Variants in TFAP2E observed in about 807,000 individuals in gnomAD.
The protein encoded by TFAP2E is transcription factor AP-2-epsilon.
In TFAP2E, 30 loss-of-function variants were observed where a neutral mutation model predicts 37.9. The ratio of observed to expected loss-of-function variants is 0.79; its 90% CI spans 0.59 to 1.07. TFAP2E has a LOEUF of 1.07. TFAP2E is among the 50% of genes least tolerant of loss of function. The pLI is 0.00. For synonymous variants in TFAP2E, 318 were observed against 295.8 expected, an observed-to-expected ratio of 1.08 and a Z score of -0.77; for missense variants, 567 against 637.9, an observed-to-expected ratio of 0.89 and a Z score of 1.20.
intron 6 of TFAP2E, among the ~76,000 whole-genome samples, chr1:35,591,403 C>T (rs1649674822): frequency 6.6e-6 from 1 of 152,144 alleles, no homozygotes; most frequent in Admixed American, 6.5e-5. Context: ...GCCCATCAAC[C>T]CTCTGCTCCA....
At position 35,585,832 on chromosome 1, in the gene TFAP2E, TGAGTCCAG is replaced by T. The variant is rs1243601048; in HGVS notation, c.563-2493_563-2486del. On this transcript the variant is annotated intron_variant, in intron 3 of 6. Coordinates refer to ENST00000373235, the MANE Select transcript of TFAP2E (RefSeq NM_178548.4). ...GGCCAAGGCAGGCAGGTGGATAGCT[TGAGTCCAG>T]GAGTTCAAGACCAGTCTGGGCAACA... is the stretch of plus-strand genomic sequence containing the variant. Among the ~76,000 whole-genome samples the T allele has an allele frequency of 9.9e-5, 15 of 152,254 alleles. No individual in the cohort carries two copies. The East Asian group carries it at 2.5e-3, about 25-fold the overall frequency.
At position 35,577,366 on chromosome 1, in the gene TFAP2E, C is replaced by A. The variant is rs1003544350; in HGVS notation, c.562+2366C>A. The A allele has an allele frequency of 2.2e-6, 1 of 456,698 alleles. No individual in the cohort carries two copies. Among genetic ancestry groups the A allele is most frequent in the African/African-American group, 2.0e-5 (1 of 50,102 alleles). 28.3% of individuals were successfully genotyped at this position (456,698 alleles called of 1,614,324 possible). A position where few individuals can be genotyped will look rare whatever the true frequency, so the allele number is the denominator to read the frequency against. ...TGCGGGATTCGGCGTTGCCGCCAGC[C>A]CAGTGGGGAGTGAATTAGCGCCCTC... is the stretch of plus-strand genomic sequence containing the variant. On this transcript the variant is annotated intron_variant, in intron 3 of 6. Transcript: ENST00000373235. This position sits in a 1 kb window ranked among gnomAD's most constrained non-coding sequence, Gnocchi z 6.3.
intron 3 of TFAP2E, among the ~76,000 whole-genome samples, chr1:35,575,778 T>C (rs571072636): frequency 6.6e-6 from 1 of 152,348 alleles, no homozygotes; most frequent in Admixed American, 6.5e-5. Flanking sequence ...CTGCACTTTG[T>C]TCTTTGGTAT....
Position 35,590,088 on chromosome 1 carries a change from G to T in TFAP2E, c.904+40G>T. 6.3e-7 allele frequency: 1 copy of T among 1,588,504 alleles called. No homozygotes were observed. Among genetic ancestry groups the T allele is most frequent in the South Asian group, 1.1e-5 (1 of 90,136 alleles). On this transcript the variant is annotated intron_variant, in intron 5 of 6. Coordinates refer to ENST00000373235, the MANE Select transcript of TFAP2E (RefSeq NM_178548.4). The surrounding 1 kb of genome is among the most constrained non-coding windows in gnomAD (Gnocchi z 6.2). ...AAGGTGGGCATGGGAGTGGATGTGA[G>T]GGCAAGTGAGTTGTCTGGTGTGACT...
rs1481481991 is a variant in TFAP2E at position 35,574,202 on chromosome 1, C to G, written c.303C>G (p.Ala101=). Residue 101 remains alanine, a synonymous_variant, in exon 2 of 7, where the codon GCC becomes GCG. Transcript: ENST00000373235. The part of the protein sequence containing the change: ...AQPQPPQAAW[A]APRAAARAHE... The stretch of plus-strand genomic sequence containing the variant: ...CGCAGCCTCCTCAGGCCGCCTGGGC[C>G]GCGCCCCGCGCAGCCGCCCGCGCCC... 7.9e-7 allele frequency: 1 copy of G among 1,261,362 alleles called. No individual in the cohort carries two copies. The allele number at this position is 1,261,362 out of a possible 1,614,324, so 78.1% of individuals were successfully genotyped here.
chr1:35,579,975 G>A (rs539184121), intron 3 of TFAP2E, among the ~76,000 whole-genome samples: 30 of 152,214 alleles, frequency 2.0e-4, no homozygotes, highest in African/African-American at 6.7e-4. Context: ...GGGAGGCCGA[G>A]GCAGGTGGAT....
Position 35,594,424 on chromosome 1 carries a change from G to A in TFAP2E, c.1077G>A (p.Met359Ile). The A allele has an allele frequency of 6.2e-7, 1 of 1,613,774 alleles. No individual in the cohort carries two copies. The highest frequency in any genetic ancestry group is 1.1e-5 in the South Asian group (1 of 91,042). Reference protein sequence around the residue: ...KQICKEFADLMAQDRSPLGNS... With the variant: ...KQICKEFADLIAQDRSPLGNS... ...TCTGCAAGGAGTTTGCAGACTTGAT[G>A]GCTCAGGACCGCTCACCGCTGGGCA... is the stretch of plus-strand genomic sequence containing the variant. The change falls in exon 7 of 7, where the codon ATG becomes ATA. Residue 359 changes from methionine to isoleucine, a missense_variant. Coordinates refer to ENST00000373235, the MANE Select transcript of TFAP2E (RefSeq NM_178548.4).
At position 35,574,255 on chromosome 1, in the gene TFAP2E, C is replaced by T. The variant is rs1396754494; in HGVS notation, c.356C>T (p.Pro119Leu). 5.3e-6 allele frequency: 7 copies of T among 1,320,970 alleles called. No individual in the cohort carries two copies. The highest frequency in any genetic ancestry group is 5.8e-4 in the Middle Eastern group (2 of 3,420). The allele number at this position is 1,320,970 out of a possible 1,614,324, so 81.8% of individuals were successfully genotyped here. ...GAGGAGCCTCCCGGCCTGCTGGCAC[C>T]GCCCGCCCGCGCCCTGGGCCTTGAC... ...AHEEPPGLLAPPARALGLDPR... is the reference protein window; with the variant it reads ...AHEEPPGLLALPARALGLDPR... Residue 119 changes from proline to leucine, a missense_variant, in exon 2 of 7, where the codon CCG (proline) becomes CTG (leucine). Coordinates refer to ENST00000373235, the MANE Select transcript of TFAP2E (RefSeq NM_178548.4).
chr1:35,583,393 C>T (rs1649403585), intron 3 of TFAP2E, among the ~76,000 whole-genome samples: 1 of 152,148 alleles, frequency 6.6e-6, no homozygotes, highest in Non-Finnish European at 1.5e-5. Flanking sequence ...ATCCACCCGC[C>T]TTGCCTTCCA....
chr1:35,594,639 C>T lies in TFAP2E; in HGVS notation c.1292C>T (p.Thr431Ile), dbSNP rs767819540. Residue 431 changes from threonine (T) to isoleucine (I), a missense_variant, in exon 7 of 7, where the codon ACC becomes ATC. Thr to Ile is a moderately conservative substitution (Grantham distance 89). Around this residue, in one of 3 missense-constraint regions of TFAP2E, gnomAD observed 252 missense variants for 302.6 expected, o/e 0.83. Transcript: ENST00000373235. The part of the protein sequence containing the change: ...LSSVGSGHGE[T>I]KASEKDAKHR... Reference sequence around the variant, plus strand: ...AGTGTGGGCAGTGGGCATGGTGAAACCAAGGCTTCGGAGAAGGATGCCAAG... The same window carrying T: ...AGTGTGGGCAGTGGGCATGGTGAAATCAAGGCTTCGGAGAAGGATGCCAAG... 6.1e-5 allele frequency: 98 copies of T among 1,614,054 alleles called. No homozygotes were observed. Among genetic ancestry groups the T allele is most frequent in the Non-Finnish European group, 7.7e-5 (91 of 1,180,044 alleles).
At chr1:35,574,907 A>G (rs763496994) in intron 2 of TFAP2E, 42 bp from the exon 3 acceptor site, 2 of 1,613,196 alleles carry the variant, frequency 1.2e-6, no homozygotes, top group African/African-American at 2.7e-5. Context: ...ATGGGCGGCT[A>G]GGGCTTTATG....
intron 4 of TFAP2E, among the ~76,000 whole-genome samples, 180 bp from the exon 5 acceptor site, chr1:35,589,750 T>C (rs1649597611): frequency 6.6e-6 from 1 of 152,116 alleles, no homozygotes; most frequent in Non-Finnish European, 1.5e-5. Flanking sequence ...CTGTCTTGGC[T>C]GCAAAACCAT....
At chr1:35,576,829 T>C (rs1402667968) in intron 3 of TFAP2E, among the ~76,000 whole-genome samples, 1 of 152,142 alleles carries the variant, frequency 6.6e-6, no homozygotes, top group Non-Finnish European at 1.5e-5. Flanking sequence ...ACATCCCAGG[T>C]GGCGGCGCGC....
At chr1:35,591,547 CCT>C (rs1649680968) in intron 6 of TFAP2E, among the ~76,000 whole-genome samples, 1 of 152,300 alleles carries the variant, frequency 6.6e-6, no homozygotes, top group East Asian at 1.9e-4. Context: ...CCAGAGCGTC[CCT>C]GTTTCCAACC....
At chr1:35,582,568 C>T (rs778295407) in intron 3 of TFAP2E, among the ~76,000 whole-genome samples, 3 of 147,150 alleles carry the variant, frequency 2.0e-5, no homozygotes, top group Non-Finnish European at 4.5e-5. Context: ...GTCTCAAACT[C>T]CTGGCTTCCA....
At chr1:35,582,939 G>C (rs1307322465) in intron 3 of TFAP2E, among the ~76,000 whole-genome samples, 1 of 150,724 alleles carries the variant, frequency 6.6e-6, no homozygotes, top group East Asian at 1.9e-4. Flanking sequence ...GTCTCACTCT[G>C]TCGCCCAGGC....
In TFAP2E at chr1:35,588,223, C is replaced by T; in HGVS notation, c.563-107C>T. ...GGGAACTTGGGCGAGTCACTTTCACCTCACTGTGGCTCAGTTTCTCCCTTC... is the reference window on the plus strand; with the variant it reads ...GGGAACTTGGGCGAGTCACTTTCACTTCACTGTGGCTCAGTTTCTCCCTTC... On this transcript the variant is annotated intron_variant, in intron 3 of 6. Transcript: ENST00000373235. The surrounding 1 kb of genome is among the most constrained non-coding windows in gnomAD (Gnocchi z 5.1). The T allele has an allele frequency of 8.6e-7, 1 of 1,160,016 alleles. No individual in the cohort carries two copies. The highest frequency in any genetic ancestry group is 1.2e-6 in the Non-Finnish European group (1 of 836,584). 71.9% of individuals were successfully genotyped at this position (1,160,016 alleles called of 1,614,324 possible).
At chr1:35,575,644 G>A (rs1023365848) in intron 3 of TFAP2E, among the ~76,000 whole-genome samples, 1 of 152,160 alleles carries the variant, frequency 6.6e-6, no homozygotes, top group Non-Finnish European at 1.5e-5. Flanking sequence ...AGTATTTCTT[G>A]GAGTGTGAGT....
At chr1:35,579,544 G>A (rs187782278) in intron 3 of TFAP2E, among the ~76,000 whole-genome samples, 2 of 151,842 alleles carry the variant, frequency 1.3e-5, no homozygotes, top group East Asian at 4.0e-4. Context: ...ACAGGTACCT[G>A]TCACCACGCC....
Sources: gnomAD v4.1 joint callset for allele counts (sites outside exome capture counted in the v4.1 genomes callset) on GRCh38, gnomAD v4.1.1 for gene constraint, gnomAD v4.1.1 regional missense constraint, Gnocchi (gnomAD v3.1) non-coding constraint, MANE v1.5 for transcripts, NCBI Gene and HGNC (gene_info 2026-07-23, HGNC 2026-07-21) for gene names.